The following TMPRSS6 variants were observed in gnomAD, a reference collection of about 807,000 sequenced individuals.
TMPRSS6 encodes transmembrane protease serine 6.
Under a neutral mutation model 101.5 loss-of-function variants are expected in TMPRSS6, and 67 were observed. The observed-to-expected ratio is 0.66, with a 90% CI of 0.54 to 0.81. TMPRSS6 has a LOEUF of 0.81. Ranked by LOEUF, TMPRSS6 falls within the 30% of genes least tolerant of loss-of-function variation. The probability of loss-of-function intolerance (pLI) is 0.00; values close to 1 mark genes in which losing one functional copy is unlikely to be tolerated. For missense variants in TMPRSS6, 1,034 were observed against 1,088.7 expected (o/e 0.95, Z 0.71); for synonymous variants, 453 against 464.9 (o/e 0.97, Z 0.33).
chr22:37,075,431 C>A lies in TMPRSS6; in HGVS notation c.1197-151G>T, dbSNP rs550170992. 3.9e-6 allele frequency: 4 copies of A among 1,026,902 alleles called. No individual in the cohort carries two copies. In the African/African-American group the frequency reaches 4.8e-5, roughly 12 times the overall value. 63.6% of individuals were successfully genotyped at this position (1,026,902 alleles called of 1,614,324 possible). ...CTGATTTCTCCCTTAGATGAGTGCA[C>A]CCCCAGAGTCATCTTCTAGAAACTA... is the stretch of plus-strand genomic sequence containing the variant. On this transcript the variant is annotated intron_variant, in intron 10 of 17. Coordinates refer to ENST00000676104, the MANE Select transcript of TMPRSS6 (RefSeq NM_001374504.1).
chr22:37,095,766 C>T, intron 5 of TMPRSS6, 140 bp downstream of exon 5: 1 of 1,257,928 alleles, frequency 7.9e-7, no homozygotes, highest in Non-Finnish European at 1.1e-6. Context: ...AATGGCACTG[C>T]TACCTCACCT....
At chr22:37,102,866 C>T (rs1174891750) in intron 2 of TMPRSS6, among the ~76,000 whole-genome samples, 1 of 152,100 alleles carries the variant, frequency 6.6e-6, no homozygotes, top group Non-Finnish European at 1.5e-5. Context: ...TCAGGGGCAA[C>T]CCAGGAGGAC....
intron 10 of TMPRSS6, among the ~76,000 whole-genome samples, chr22:37,078,585 C>T (rs926789449): frequency 2.6e-5 from 4 of 152,030 alleles, no homozygotes; most frequent in African/African-American, 7.3e-5. Flanking sequence ...AGTCACTCAG[C>T]GTAAAGACAA....
Position 37,103,514 on chromosome 22 carries a change from C to G in TMPRSS6, c.-1-96G>C, listed in dbSNP as rs1440510104. On this transcript the variant is annotated intron_variant, in intron 1 of 17. Coordinates refer to ENST00000676104, the MANE Select transcript of TMPRSS6 (RefSeq NM_001374504.1). The surrounding 1 kb of genome is among the most constrained non-coding windows in gnomAD (Gnocchi z 4.4). ...GGGCACGGAAGCAGGACTTCCCTGC[C>G]TTTTGGAGTGGAAGAGTAACAACAT... is the stretch of plus-strand genomic sequence containing the variant. 1 of 1,614,056 alleles carries G rather than the reference C, an allele frequency of 6.2e-7. No individual in the cohort carries two copies. The highest frequency in any genetic ancestry group is 1.3e-5 in the African/African-American group (1 of 74,932).
At position 37,066,814 on chromosome 22, in the gene TMPRSS6, C is replaced by T. The variant is rs372292285; in HGVS notation, c.2250+12G>A. 99 of 1,614,030 alleles carry T rather than the reference C, an allele frequency of 6.1e-5. No individual in the cohort carries two copies. The highest frequency in any genetic ancestry group is 1.0e-4 in the Admixed American group (6 of 60,004). On this transcript the variant is annotated intron_variant, in intron 17 of 17. Coordinates refer to ENST00000676104, the MANE Select transcript of TMPRSS6 (RefSeq NM_001374504.1). ...CTCCCTCCTCTCTCCCTCCCATGCC[C>T]GGGGGACTCACCTGACAGGCATCCT... is the stretch of plus-strand genomic sequence containing the variant.
In TMPRSS6 at chr22:37,066,999, G is replaced by C. The variant is rs764854209; in HGVS notation, c.2114-37C>G. On this transcript the variant is annotated intron_variant, in intron 16 of 17. Transcript: ENST00000676104. Reference sequence around the variant, plus strand: ...CAAGGGCAGAAGTGAGATCTCAGGAGCCTGGAGCCCCTGTTCTCTATTCTC... The same window carrying C: ...CAAGGGCAGAAGTGAGATCTCAGGACCCTGGAGCCCCTGTTCTCTATTCTC... 7 of 1,613,802 alleles carry C rather than the reference G, an allele frequency of 4.3e-6. 1 individual carries two copies. In the South Asian group the frequency reaches 7.7e-5, roughly 18 times the overall value.
chr22:37,078,526 C>T (rs901022553), intron 10 of TMPRSS6, among the ~76,000 whole-genome samples: 3 of 152,084 alleles, frequency 2.0e-5, no homozygotes, highest in African/African-American at 7.2e-5. Context: ...GCTTAGAAAG[C>T]GCCAGAGAGG....
chr22:37,098,310 G>C (rs960757474), intron 3 of TMPRSS6, 106 bp downstream of exon 3: 2 of 1,550,474 alleles, frequency 1.3e-6, no homozygotes, highest in Non-Finnish European at 1.8e-6. Context: ...TGTGGTCCCT[G>C]TGAATGCTCC....
intron 11 of TMPRSS6, 142 bp from the exon 12 acceptor site, chr22:37,074,850 T>C: frequency 1.1e-6 from 1 of 912,400 alleles, no homozygotes; most frequent in South Asian, 1.4e-5. Context: ...TGGGCACCTG[T>C]GTACACAGTC....
chr22:37,090,018 C>T (rs1029464302), intron 6 of TMPRSS6, among the ~76,000 whole-genome samples: 19 of 152,242 alleles, frequency 1.2e-4, no homozygotes, highest in South Asian at 1.0e-3. Flanking sequence ...CTGAGCTTCA[C>T]GCCTTCTCAG....
rs1030093121 is a variant in TMPRSS6, at chr22:37,075,372, G to A, written c.1197-92C>T. The A allele has an allele frequency of 3.2e-6, 5 of 1,555,972 alleles. No individual in the cohort carries two copies. The Admixed American group carries it at 8.6e-5, about 27-fold the overall frequency. ...GCAAGGACAGGCAGCCAGAGGGGCA[G>A]GGGGAGCTGCACGCCCGCTGTGCCT... On this transcript the variant is annotated intron_variant, in intron 10 of 17. Coordinates refer to ENST00000676104, the MANE Select transcript of TMPRSS6 (RefSeq NM_001374504.1).
In TMPRSS6 at chr22:37,069,128, G is replaced by A. The variant is rs375189210; in HGVS notation, c.2058C>T (p.Phe686=). 12 of 1,567,260 alleles carry A rather than the reference G, an allele frequency of 7.7e-6. No individual in the cohort carries two copies. Among genetic ancestry groups the A allele is most frequent in the South Asian group, 5.8e-5 (5 of 86,166 alleles). The change falls in exon 16 of 18, where the codon TTC becomes TTT. Residue 686 remains phenylalanine, a synonymous_variant. Coordinates refer to ENST00000676104, the MANE Select transcript of TMPRSS6 (RefSeq NM_001374504.1). This position sits in a 1 kb window ranked among gnomAD's most constrained non-coding sequence, Gnocchi z 4.8. The part of the protein sequence containing the change: ...RPVCLPARSH[F]FEPGLHCWIT... ...TCCAGCAGTGCAGGCCGGGCTCGAA[G>A]AAGTGGGAGCGCGCGGGCAGGCAGA...
chr22:37,077,676 C>G (rs1275734879), intron 10 of TMPRSS6, among the ~76,000 whole-genome samples: 3 of 152,150 alleles, frequency 2.0e-5, no homozygotes, highest in Non-Finnish European at 4.4e-5. Flanking sequence ...TGACAGCACT[C>G]TTGTCACTAA....
intron 17 of TMPRSS6, 131 bp downstream of exon 17, chr22:37,066,695 G>A (rs767969818): frequency 8.3e-7 from 1 of 1,207,526 alleles, no homozygotes; most frequent in Admixed American, 1.9e-5. Flanking sequence ...TGTAAAGTAG[G>A]GGTGGCCATC....
chr22:37,081,283 TG>T (rs1364628287), intron 10 of TMPRSS6, among the ~76,000 whole-genome samples: 1 of 152,180 alleles, frequency 6.6e-6, no homozygotes, highest in Non-Finnish European at 1.5e-5. Flanking sequence ...CTTCCCAGGG[TG>T]GGGGTCTCTT....
At chr22:37,072,487 T>TGAC (rs1329271942) in intron 13 of TMPRSS6, among the ~76,000 whole-genome samples, 1 of 117,976 alleles carries the variant, frequency 8.5e-6, no homozygotes, top group African/African-American at 3.5e-5. Context: ...GGATGGATGA[T>TGAC]GGATGATGGA....
At chr22:37,096,180 G>A (rs145087826) in intron 4 of TMPRSS6, 90 bp from the exon 5 acceptor site, 39 of 1,435,180 alleles carry the variant, frequency 2.7e-5, no homozygotes, top group Non-Finnish European at 3.4e-5. Flanking sequence ...AGCACTTTCC[G>A]CACCTCAGCC....
chr22:37,078,766 TGAGGAGAAG>T (rs1219571634), intron 10 of TMPRSS6, among the ~76,000 whole-genome samples: 1 of 64,056 alleles, frequency 1.6e-5, no homozygotes, highest in African/African-American at 1.1e-4. Context: ...AGAAAGAGAA[TGAGGAGAAG>T]GAGGAGGAGA....
intron 5 of TMPRSS6, 137 bp from the exon 6 acceptor site, chr22:37,095,729 AC>A: frequency 8.2e-7 from 1 of 1,226,910 alleles, no homozygotes; most frequent in Non-Finnish European, 1.1e-6. Flanking sequence ...CCCCCATCCC[AC>A]CCTTCTTTCC....
Sources: gnomAD v4.1 joint callset for allele counts (sites outside exome capture counted in the v4.1 genomes callset) on GRCh38, gnomAD v4.1.1 for gene constraint, Gnocchi (gnomAD v3.1) non-coding constraint, MANE v1.5 for transcripts, NCBI Gene and HGNC (gene_info 2026-07-23, HGNC 2026-07-21) for gene names.